IQCN: variants seen among roughly 807,000 people sequenced by gnomAD.
The protein encoded by IQCN is IQ domain-containing protein N.
Under a neutral mutation model 64.4 loss-of-function variants are expected in IQCN, and 46 were observed. The observed-to-expected ratio is 0.71, with a 90% CI of 0.56 to 0.91. The LOEUF (loss-of-function observed/expected upper bound fraction) is 0.91. Ranked by LOEUF, IQCN falls within the 40% of genes least tolerant of loss-of-function variation. The probability of loss-of-function intolerance (pLI) is 0.00; values close to 1 mark genes in which losing one functional copy is unlikely to be tolerated. For missense variants in IQCN, 1,753 were observed against 1,857.4 expected, an observed-to-expected ratio of 0.94 and a Z score of 1.03; for synonymous variants, 733 against 775.6, an observed-to-expected ratio of 0.95 and a Z score of 0.91.
Position 18,269,595 on chromosome 19 carries a change from A to G in IQCN, c.-109-8T>C, listed in dbSNP as rs937807662. On this transcript the variant is annotated splice_polypyrimidine_tract_variant and splice_region_variant and intron_variant, in intron 1 of 3. Coordinates refer to ENST00000392413, the MANE Select transcript of IQCN (RefSeq NM_001145304.2). Reference sequence around the variant, plus strand: ...CAGCAACACTGCCCTGGGCTGGCTCAAGACCAACACAAAAAGAAATGTTAA... The same window carrying G: ...CAGCAACACTGCCCTGGGCTGGCTCGAGACCAACACAAAAAGAAATGTTAA... 1.1e-5 allele frequency: 9 copies of G among 807,926 alleles called. No homozygotes were observed. Among genetic ancestry groups the G allele is most frequent in the African/African-American group, 1.8e-5 (1 of 56,520 alleles). The allele number at this position is 807,926 out of a possible 1,614,324, so 50.0% of individuals were successfully genotyped here.
Position 18,265,602 on chromosome 19 carries a change from G to A in IQCN, c.1938C>T (p.His646=), listed in dbSNP as rs1444711070. 6 of 1,613,792 alleles carry A rather than the reference G, an allele frequency of 3.7e-6. No homozygotes were observed. The highest frequency in any genetic ancestry group is 3.4e-6 in the Non-Finnish European group (4 of 1,179,936). ...KVAEEGDKPP[H]VYVPVDMAVT... Reference sequence around the variant, plus strand: ...CAGCCATGTCTACAGGCACATACACGTGAGGTGGCTTGTCCCCTTCCTCAG... The same window carrying A: ...CAGCCATGTCTACAGGCACATACACATGAGGTGGCTTGTCCCCTTCCTCAG... Residue 646 remains histidine (H), a synonymous_variant, in exon 3 of 4, where the codon CAC becomes CAT. Transcript: ENST00000392413. The surrounding 1 kb of genome is among the most constrained non-coding windows in gnomAD (Gnocchi z 4.7).
intron 3 of IQCN, 53 bp from the exon 4 acceptor site, chr19:18,258,159 G>A (rs999814): frequency 0.25 from 401,929 of 1,583,250 alleles, 53,455 homozygotes; most frequent in Admixed American, 0.35. Context: ...AGGATTCTGG[G>A]GGCTATAGGA....
At chr19:18,268,217 T>TGTGTGTG (rs58772952) in intron 2 of IQCN, among the ~76,000 whole-genome samples, 5 of 132,792 alleles carry the variant, frequency 3.8e-5, no homozygotes, top group Middle Eastern at 3.8e-3. Flanking sequence ...TGTGTGTGTG[T>TGTGTGTG]TTGAAAAAGA....
In IQCN at chr19:18,265,195, T is replaced by A. The variant is rs780667666; in HGVS notation, c.2345A>T (p.Asn782Ile). The A allele has an allele frequency of 6.2e-7, 1 of 1,610,942 alleles. No homozygotes were observed. Among genetic ancestry groups the A allele is most frequent in the Non-Finnish European group, 8.5e-7 (1 of 1,179,918 alleles). The change falls in exon 3 of 4, where the codon AAC becomes ATC. Residue 782 changes from asparagine to isoleucine, a missense_variant. Transcript: ENST00000392413. The surrounding 1 kb of genome is among the most constrained non-coding windows in gnomAD (Gnocchi z 4.7). ...GCCACCGAGGCGCTGGCAGGCGTGG[T>A]TGGACACCTTGGACCCTGTTAGGAG... ...QVLLTGSKVS[N>I]HACQRLGGLS...
chr19:18,259,631 C>G (rs1388193348), intron 3 of IQCN: 1 of 152,310 alleles, frequency 6.6e-6, no homozygotes, highest in Admixed American at 6.5e-5. Flanking sequence ...CACGACCAGC[C>G]CTGCTCTTCA....
Position 18,265,369 on chromosome 19 carries a change from G to C in IQCN, c.2171C>G (p.Thr724Arg), listed in dbSNP as rs748972475. The C allele has an allele frequency of 1.9e-6, 3 of 1,614,208 alleles. No individual in the cohort carries two copies. The highest frequency in any genetic ancestry group is 2.5e-6 in the Non-Finnish European group (3 of 1,180,036). ...TTGGGACTGGACCTTCACGGCACCT[G>C]TGGCCAGATGTGTCTGGGAATGCAT... ...SKMHSQTHLATGAVKVQSQAP... is the reference protein window; with the variant it reads ...SKMHSQTHLARGAVKVQSQAP... Residue 724 changes from threonine (T) to arginine (R), a missense_variant, in exon 3 of 4, where the codon ACA becomes AGA. Thr to Arg is a moderately conservative substitution (Grantham distance 71). Transcript: ENST00000392413. This position sits in a 1 kb window ranked among gnomAD's most constrained non-coding sequence, Gnocchi z 4.7.
rs60981546 is a variant in IQCN at position 18,270,051 on chromosome 19, TAAAAAAAA to T, written c.-109-472_-109-465del. On this transcript the variant is annotated intron_variant, in intron 1 of 3. Coordinates refer to ENST00000392413, the MANE Select transcript of IQCN (RefSeq NM_001145304.2). Reference sequence around the variant, plus strand: ...GGGAAACTAAGCAAGAACTGTCTCTTAAAAAAAAAAAAAAAAAAAAAAAAAAATTGGCC... The same window carrying T: ...GGGAAACTAAGCAAGAACTGTCTCTTAAAAAAAAAAAAAAAAAAATTGGCC... 4.3e-3 allele frequency among the ~76,000 whole-genome samples: 323 copies of T among 75,836 alleles called. 5 individuals carry two copies. Among genetic ancestry groups the T allele is most frequent in the African/African-American group, 0.018 (284 of 15,932 alleles). The allele number at this position is 75,836 out of a possible 152,430, so 49.8% of individuals were successfully genotyped here.
At chr19:18,273,683 G>T (rs748162960) in intron 1 of IQCN, among the ~76,000 whole-genome samples, 1 of 152,220 alleles carries the variant, frequency 6.6e-6, no homozygotes, top group Non-Finnish European at 1.5e-5. Context: ...GGTCAGGCTG[G>T]TCTCGAACTC....
Position 18,257,571 on chromosome 19 carries a change from C to G in IQCN, c.3713G>C (p.Arg1238Thr). 3 of 1,612,728 alleles carry G rather than the reference C, an allele frequency of 1.9e-6. No homozygotes were observed. The highest frequency in any genetic ancestry group is 2.5e-6 in the Non-Finnish European group (3 of 1,179,884). The change falls in exon 4 of 4, where the codon AGG becomes ACG. Residue 1238 changes from arginine (R) to threonine (T), a missense_variant. Transcript: ENST00000392413. The part of the protein sequence containing the change: ...ACSVCHSLSS[R>T]IGSPPSVVML... ...CACCACGCTGGGCGGGCTCCCGATC[C>G]TGGAGCTCAGGGAGTGGCAGACGCT...
chr19:18,270,051 T>TAAAAAAAAAAAAAAAAAAAAA (rs60981546), intron 1 of IQCN, among the ~76,000 whole-genome samples: 5 of 75,830 alleles, frequency 6.6e-5, no homozygotes, highest in African/African-American at 3.1e-4. Flanking sequence ...AACTGTCTCT[T>TAAAAAAAAAAAAAAAAAAAAA]AAAAAAAAAA....
At position 18,266,219 on chromosome 19, in the gene IQCN, G is replaced by C; in HGVS notation, c.1321C>G (p.Leu441Val). Residue 441 changes from leucine to valine, a missense_variant, in exon 3 of 4, where the codon CTG (leucine) becomes GTG (valine). By Grantham distance (32) the Leu-to-Val change is conservative. Coordinates refer to ENST00000392413, the MANE Select transcript of IQCN (RefSeq NM_001145304.2). This position sits in a 1 kb window ranked among gnomAD's most constrained non-coding sequence, Gnocchi z 4.3. ...GCAGGCCCCGGGCATACCTGGGGCA[G>C]GCTCTTCATGATGGAAGCCAGAAGG... ...VSLLASIMKS[L>V]PQVCPGPAMA... The C allele has an allele frequency of 6.2e-7, 1 of 1,614,068 alleles. No homozygotes were observed. The highest frequency in any genetic ancestry group is 8.5e-7 in the Non-Finnish European group (1 of 1,180,006).
Position 18,257,459 on chromosome 19 carries a change from A to C in IQCN, c.3825T>G (p.Thr1275=), listed in dbSNP as rs1195387791. The C allele has an allele frequency of 6.2e-7, 1 of 1,608,080 alleles. No individual in the cohort carries two copies. Among genetic ancestry groups the C allele is most frequent in the South Asian group, 1.1e-5 (1 of 90,708 alleles). Residue 1275 remains threonine, a synonymous_variant, in exon 4 of 4, where the codon ACT becomes ACG. Coordinates refer to ENST00000392413, the MANE Select transcript of IQCN (RefSeq NM_001145304.2). ...TRVVQGMGQG[T]EGPGAVSWAS... ...CCCAAGACACTGCCCCGGGGCCCTC[A>C]GTGCCCTGGCCCATGCCCTGCACCA...
intron 2 of IQCN, among the ~76,000 whole-genome samples, chr19:18,268,190 GT>G (rs1348061689): frequency 3.3e-5 from 5 of 150,214 alleles, no homozygotes; most frequent in Non-Finnish European, 5.9e-5. Flanking sequence ...GTGTGTGTGT[GT>G]GTGTGTGTGT....
intron 1 of IQCN, among the ~76,000 whole-genome samples, chr19:18,272,016 G>C (rs565797177): frequency 6.6e-6 from 1 of 151,726 alleles, no homozygotes; most frequent in Non-Finnish European, 1.5e-5. Flanking sequence ...TTGGAGGGAC[G>C]GGGTTTCACC....
intron 3 of IQCN, chr19:18,258,507 G>A (rs534443984): frequency 2.0e-5 from 9 of 453,182 alleles, no homozygotes; most frequent in Middle Eastern, 3.2e-4. Context: ...GCGGCTGCTC[G>A]GAGCCATGTT....
chr19:18,266,018 A>T lies in IQCN; in HGVS notation c.1522T>A (p.Leu508Ile), dbSNP rs1458385630. 55 of 1,613,826 alleles carry T rather than the reference A, an allele frequency of 3.4e-5. No homozygotes were observed. Among genetic ancestry groups the T allele is most frequent in the Non-Finnish European group, 4.3e-5 (51 of 1,179,948 alleles). Residue 508 changes from leucine to isoleucine, a missense_variant, in exon 3 of 4, where the codon TTA becomes ATA. Leu to Ile is a conservative substitution (Grantham distance 5, BLOSUM62 2). Transcript: ENST00000392413. The surrounding 1 kb of genome is among the most constrained non-coding windows in gnomAD (Gnocchi z 4.3). ...PAMITKTPAQ[L>I]RSVATILKTL... ...TTGAGGATGGTGGCCACCGAGCGTAACTGGGCTGGGGTCTTGGTTATCATG... is the reference window on the plus strand; with the variant it reads ...TTGAGGATGGTGGCCACCGAGCGTATCTGGGCTGGGGTCTTGGTTATCATG...
chr19:18,260,465 A>T (rs749673572), intron 3 of IQCN: 18 of 152,712 alleles, frequency 1.2e-4, no homozygotes, highest in Non-Finnish European at 2.6e-4. Flanking sequence ...TGAGGCCATG[A>T]CATGTACCAC....
At position 18,257,281 on chromosome 19, in the gene IQCN, G is replaced by A. The variant is rs367982069; in HGVS notation, c.4003C>T (p.Arg1335Ter). 5 of 1,613,484 alleles carry A rather than the reference G, an allele frequency of 3.1e-6. No homozygotes were observed. The highest frequency in any genetic ancestry group is 4.2e-6 in the Non-Finnish European group (5 of 1,180,032). ...MAAKIVQATW[R>*]GHHTRSCLKN... ...AGACAGCTCCGGGTATGGTGGCCTC[G>A]CCAGGTGGCTTGAACTATCTTCGCT... The change falls in exon 4 of 4, where the codon CGA (arginine) becomes TGA (stop). Residue 1335 changes from arginine (R) to a stop codon, truncating the protein, a stop_gained. Coordinates refer to ENST00000392413, the MANE Select transcript of IQCN (RefSeq NM_001145304.2). LOFTEE classifies it low-confidence loss of function (END_TRUNC).
At position 18,265,562 on chromosome 19, in the gene IQCN, C is replaced by G. The variant is rs1969545012; in HGVS notation, c.1978G>C (p.Gly660Arg). ...TTGGTCAGTGGGGCAGCCAGCTGTCCCCGGGGCAGGGTGACAGCCATGTCT... is the reference window on the plus strand; with the variant it reads ...TTGGTCAGTGGGGCAGCCAGCTGTCGCCGGGGCAGGGTGACAGCCATGTCT... Reference protein sequence around the residue: ...PVDMAVTLPRGQLAAPLTNAS... With the variant: ...PVDMAVTLPRRQLAAPLTNAS... The change falls in exon 3 of 4, where the codon GGA becomes CGA. Residue 660 changes from glycine to arginine, a missense_variant. Physicochemically the swap from Gly to Arg is moderately radical, Grantham distance 125. Transcript: ENST00000392413. The surrounding 1 kb of genome is among the most constrained non-coding windows in gnomAD (Gnocchi z 4.7). 6.2e-7 allele frequency: 1 copy of G among 1,611,600 alleles called. No individual in the cohort carries two copies. The highest frequency in any genetic ancestry group is 8.5e-7 in the Non-Finnish European group (1 of 1,178,256).
Sources: allele counts gnomAD v4.1 joint callset (sites outside exome capture counted in the v4.1 genomes callset), GRCh38; gene constraint gnomAD v4.1.1; non-coding constraint Gnocchi (gnomAD v3.1); transcripts MANE v1.5; gene names NCBI Gene and HGNC (gene_info 2026-07-23, HGNC 2026-07-21).